Variants in SPTB observed in about 807,000 individuals in gnomAD.
SPTB encodes spectrin beta chain, erythrocytic.
Under a neutral mutation model 256.2 loss-of-function variants are expected in SPTB, and 45 were observed. That is an observed-to-expected ratio of 0.18 (90% confidence interval 0.14 to 0.23). The LOEUF is 0.23. Ranked by LOEUF, SPTB falls within the 10% of genes least tolerant of loss-of-function variation. SPTB has a pLI of 1.00. For missense variants in SPTB, 2,715 were observed against 3,040.4 expected (o/e 0.89, Z 2.52); for synonymous variants, 1,231 against 1,243.1 (o/e 0.99, Z 0.21).
At chr14:64,755,569 A>G (rs2139437291) in intron 32 of SPTB, 1 of 152,346 alleles carries the variant, frequency 6.6e-6, no homozygotes, top group South Asian at 2.1e-4. Context: ...TGAGAAAACC[A>G]GTGCTCAGAG....
rs763084936 is a variant in SPTB, at chr14:64,784,372, T to C, written c.3877A>G (p.Lys1293Glu). 3 of 1,614,234 alleles carry C rather than the reference T, an allele frequency of 1.9e-6. No homozygotes were observed. The highest frequency in any genetic ancestry group is 1.7e-6 in the Non-Finnish European group (2 of 1,180,036). ...GAGACATCCTGAGATGTCAGCAGCTTGTCGTTGATCCAGAGAGTGAGCTGT... is the reference window on the plus strand; with the variant it reads ...GAGACATCCTGAGATGTCAGCAGCTCGTCGTTGATCCAGAGAGTGAGCTGT... The part of the protein sequence containing the change: ...CQELTLWIND[K>E]LLTSQDVSYD... Residue 1293 changes from lysine (K) to glutamate (E), a missense_variant, in exon 19 of 36, where the codon AAG becomes GAG. Physicochemically the swap from Lys to Glu is moderately conservative, Grantham distance 56 (BLOSUM62 1). Coordinates refer to ENST00000644917, the MANE Select transcript of SPTB (RefSeq NM_001355436.2).
rs944676315 is a variant in SPTB at position 64,807,513 on chromosome 14, T to C, written c.149-2423A>G. Among the ~76,000 whole-genome samples, 5 of 152,210 alleles carry C rather than the reference T, an allele frequency of 3.3e-5. No homozygotes were observed. Among genetic ancestry groups the C allele is most frequent in the Admixed American group, 1.3e-4 (2 of 15,290 alleles). On this transcript the variant is annotated intron_variant, in intron 2 of 35. Coordinates refer to ENST00000644917, the MANE Select transcript of SPTB (RefSeq NM_001355436.2). The surrounding 1 kb of genome is among the most constrained non-coding windows in gnomAD (Gnocchi z 4.7). ...ACAGGCAGGTGGCCTCCTAGCTGCC[T>C]TTTATTTGAAGGCTGGAGTGAAATC...
chr14:64,867,833 G>A (rs1265450165), intron 1 of SPTB, among the ~76,000 whole-genome samples: 1 of 143,970 alleles, frequency 6.9e-6, no homozygotes, highest in Admixed American at 7.0e-5. Context: ...CAGCCCTCTG[G>A]CCTGGGCAAC....
chr14:64,822,204 C>T (rs551498238), intron 2 of SPTB, among the ~76,000 whole-genome samples: 9 of 148,082 alleles, frequency 6.1e-5, no homozygotes, highest in African/African-American at 2.0e-4. Context: ...GACTTAAGGT[C>T]GGAATATACT....
chr14:64,848,771 A>T (rs2083733240), intron 1 of SPTB, among the ~76,000 whole-genome samples: 1 of 152,242 alleles, frequency 6.6e-6, no homozygotes. Flanking sequence ...CAACATTTTC[A>T]AAAATACTTT....
chr14:64,792,900 A>G lies in SPTB; in HGVS notation c.2666+97T>C. On this transcript the variant is annotated intron_variant, in intron 14 of 35. Transcript: ENST00000644917. This position sits in a 1 kb window ranked among gnomAD's most constrained non-coding sequence, Gnocchi z 4.2. The stretch of plus-strand genomic sequence containing the variant: ...AAGGACATCCCAGGGCCTCTCAAAG[A>G]GACCTTTGCTGATCCAGAGACTATT... 3 of 1,558,170 alleles carry G rather than the reference A, an allele frequency of 1.9e-6. No individual in the cohort carries two copies. The highest frequency in any genetic ancestry group is 2.6e-6 in the Non-Finnish European group (3 of 1,136,914).
rs1447720074 is a variant in SPTB at position 64,779,150 on chromosome 14, G to T, written c.4563+7C>A. On this transcript the variant is annotated splice_region_variant and intron_variant, in intron 22 of 35. Transcript: ENST00000644917. This position sits in a 1 kb window ranked among gnomAD's most constrained non-coding sequence, Gnocchi z 4.2. Reference sequence around the variant, plus strand: ...GGGTGGGGCTGGTGAGGTGACGCAGGACTCACCTGGTTCTTCTTCATGAAC... The same window carrying T: ...GGGTGGGGCTGGTGAGGTGACGCAGTACTCACCTGGTTCTTCTTCATGAAC... 2 of 1,612,890 alleles carry T rather than the reference G, an allele frequency of 1.2e-6. No individual in the cohort carries two copies. Among genetic ancestry groups the T allele is most frequent in the Non-Finnish European group, 1.7e-6 (2 of 1,179,534 alleles).
intron 1 of SPTB, among the ~76,000 whole-genome samples, chr14:64,874,191 T>A (rs1386740722): frequency 6.6e-6 from 1 of 152,170 alleles, no homozygotes; most frequent in Non-Finnish European, 1.5e-5. Context: ...GCTGGGCAAT[T>A]TCCTAAAGCC....
In SPTB at chr14:64,773,385, G is replaced by C. The variant is rs201504825; in HGVS notation, c.5013C>G (p.His1671Gln). The change falls in exon 25 of 36, where the codon CAC (histidine) becomes CAG (glutamine). Residue 1671 changes from histidine (H) to glutamine (Q), a missense_variant. Physicochemically the swap from His to Gln is conservative, Grantham distance 24. This residue lies in a region of SPTB where 2,239 missense variants were observed against 2,384.4 expected (regional missense o/e 0.94). Coordinates refer to ENST00000644917, the MANE Select transcript of SPTB (RefSeq NM_001355436.2). ...IIRLQGQVDK[H>Q]YAGLKDVAEE... ...CCGCCACGTCCTTCAGCCCTGCGTAGTGCTTGTCCACTTGCCCCTGAAGTC... is the reference window on the plus strand; with the variant it reads ...CCGCCACGTCCTTCAGCCCTGCGTACTGCTTGTCCACTTGCCCCTGAAGTC... 6.2e-7 allele frequency: 1 copy of C among 1,614,168 alleles called. No homozygotes were observed. Among genetic ancestry groups the C allele is most frequent in the African/African-American group, 1.3e-5 (1 of 75,072 alleles).
At position 64,796,821 on chromosome 14, in the gene SPTB, C is replaced by T; in HGVS notation, c.1183-106G>A. 2 of 1,418,668 alleles carry T rather than the reference C, an allele frequency of 1.4e-6. No homozygotes were observed. Among genetic ancestry groups the T allele is most frequent in the Non-Finnish European group, 2.0e-6 (2 of 1,015,520 alleles). 87.9% of individuals were successfully genotyped at this position (1,418,668 alleles called of 1,614,324 possible). On this transcript the variant is annotated intron_variant, in intron 10 of 35. Coordinates refer to ENST00000644917, the MANE Select transcript of SPTB (RefSeq NM_001355436.2). The surrounding 1 kb of genome is among the most constrained non-coding windows in gnomAD (Gnocchi z 4.1). ...CTGAGTGATTTCTGGAATCAAGGTA[C>T]AGCCTGATGCTCTTGGGTGACGTGG...
intron 7 of SPTB, 143 bp downstream of exon 7, chr14:64,801,142 C>G (rs2082877999): frequency 2.8e-6 from 2 of 722,682 alleles, no homozygotes; most frequent in African/African-American, 1.7e-5. Flanking sequence ...CAGAGCCTGG[C>G]CTGGCCACTG....
intron 1 of SPTB, among the ~76,000 whole-genome samples, chr14:64,874,074 GT>G (rs1882688630): frequency 6.6e-6 from 1 of 152,126 alleles, no homozygotes; most frequent in Admixed American, 6.5e-5. Flanking sequence ...AAAACTTCCA[GT>G]GGCTCAAACT....
At chr14:64,762,027 C>A (rs2082103267) in intron 32 of SPTB, among the ~76,000 whole-genome samples, 1 of 152,096 alleles carries the variant, frequency 6.6e-6, no homozygotes, top group African/African-American at 2.4e-5. Flanking sequence ...TTAAATCTGA[C>A]CACAGCAAGG....
intron 1 of SPTB, among the ~76,000 whole-genome samples, chr14:64,830,812 T>C (rs1319414173): frequency 6.6e-6 from 1 of 152,156 alleles, no homozygotes; most frequent in Non-Finnish European, 1.5e-5. Flanking sequence ...CACTCTCTTT[T>C]ATGTGAACTC....
chr14:64,871,241 A>G (rs941275701), intron 1 of SPTB, among the ~76,000 whole-genome samples: 1 of 152,218 alleles, frequency 6.6e-6, no homozygotes, highest in Non-Finnish European at 1.5e-5. Context: ...ACGAAGACAC[A>G]GCCTCGAACC....
chr14:64,868,251 T>C (rs1298410193), intron 1 of SPTB, among the ~76,000 whole-genome samples: 1 of 151,864 alleles, frequency 6.6e-6, no homozygotes, highest in East Asian at 1.9e-4. Context: ...CAGTGGAAAT[T>C]AAAAGAAAGA....
rs780791721 is a variant in SPTB at position 64,767,704 on chromosome 14, T to C, written c.6178A>G (p.Ser2060Gly). Residue 2060 changes from serine (S) to glycine (G), a missense_variant, in exon 30 of 36, where the codon AGC (serine) becomes GGC (glycine). By Grantham distance (56) the Ser-to-Gly change is moderately conservative. Transcript: ENST00000644917. The stretch of plus-strand genomic sequence containing the variant: ...AGGGCAGCAAAGCGCTCTGCCCAGC[T>C]GGCCGTGGACTTCTCAAAAGCCTCA... ...RHEAFEKSTA[S>G]WAERFAALEK... is the part of the protein sequence containing the mutation. The C allele has an allele frequency of 1.2e-6, 2 of 1,614,220 alleles. No homozygotes were observed. The highest frequency in any genetic ancestry group is 4.5e-5 in the East Asian group (2 of 44,886).
chr14:64,777,016 C>T lies in SPTB; in HGVS notation c.4564-1613G>A, dbSNP rs72724486. ...GCTGGGCCTTCCTCCCTGGGGGCTA[C>T]GAGGAAAAGACAACAGTGGGATGGA... On this transcript the variant is annotated intron_variant, in intron 22 of 35. Transcript: ENST00000644917. This position sits in a 1 kb window ranked among gnomAD's most constrained non-coding sequence, Gnocchi z 4.5. Among the ~76,000 whole-genome samples the T allele has an allele frequency of 4.7e-3, 715 of 152,254 alleles. 5 individuals carry two copies. Among genetic ancestry groups the T allele is most frequent in the South Asian group, 0.013 (63 of 4,826 alleles).
In SPTB at chr14:64,795,773, C is replaced by T. The variant is rs2082758153; in HGVS notation, c.1342-134G>A. Reference sequence around the variant, plus strand: ...CATTCCCAAGAAGCAGCTAGTTCTGCCTTACTTTTGCAGCCTGTCTTATCA... The same window carrying T: ...CATTCCCAAGAAGCAGCTAGTTCTGTCTTACTTTTGCAGCCTGTCTTATCA... On this transcript the variant is annotated intron_variant, in intron 11 of 35. Transcript: ENST00000644917. This position sits in a 1 kb window ranked among gnomAD's most constrained non-coding sequence, Gnocchi z 6.5. 4.2e-6 allele frequency: 4 copies of T among 951,878 alleles called. No individual in the cohort carries two copies. In the African/African-American group the frequency reaches 6.5e-5, roughly 16 times the overall value. The allele number at this position is 951,878 out of a possible 1,614,324, so 59.0% of individuals were successfully genotyped here.
Sources: gnomAD v4.1 joint callset for allele counts (sites outside exome capture counted in the v4.1 genomes callset) on GRCh38, gnomAD v4.1.1 for gene constraint, gnomAD v4.1.1 regional missense constraint, Gnocchi (gnomAD v3.1) non-coding constraint, MANE v1.5 for transcripts, NCBI Gene and HGNC (gene_info 2026-07-23, HGNC 2026-07-21) for gene names.